The following GLYAT variants were observed in gnomAD, a reference collection of about 807,000 sequenced individuals.
GLYAT encodes the protein glycine N-acyltransferase.
In GLYAT, 25 loss-of-function variants were observed where a neutral mutation model predicts 22.8. That is an observed-to-expected ratio of 1.09 (90% CI 0.80 to 1.53). The LOEUF (loss-of-function observed/expected upper bound fraction) is 1.53, where lower values mean the gene tolerates loss of function less well. GLYAT is among the 40% of genes most tolerant of loss of function. The pLI is 0.00. For missense variants in GLYAT, 411 were observed against 353.9 expected (o/e 1.16, Z -1.29); for synonymous variants, 140 against 122.7 (o/e 1.14, Z -0.93).
intron 4 of GLYAT, among the ~76,000 whole-genome samples, chr11:58,711,068 T>C (rs113791397): frequency 3.9e-5 from 6 of 152,204 alleles, no homozygotes; most frequent in African/African-American, 1.4e-4. Context: ...CTTTGTGTTC[T>C]TAGCTCCCAC....
intron 1 of GLYAT, among the ~76,000 whole-genome samples, chr11:58,728,890 G>GA (rs1365145810): frequency 0.2 from 13,534 of 69,142 alleles, 813 homozygotes; most frequent in South Asian, 0.26. Flanking sequence ...AAGAAAGAAA[G>GA]AAGGAAGGAA....
intron 4 of GLYAT, among the ~76,000 whole-genome samples, chr11:58,711,564 T>A (rs1450963163): frequency 6.6e-6 from 1 of 152,204 alleles, no homozygotes; most frequent in Non-Finnish European, 1.5e-5. Flanking sequence ...GTTATGATTG[T>A]GTTATTAACA....
At chr11:58,715,494 G>T (rs183838287) in intron 2 of GLYAT, 71 bp from the exon 3 acceptor site, 1 of 704,978 alleles carries the variant, frequency 1.4e-6, no homozygotes, top group South Asian at 1.6e-5. Flanking sequence ...GCTTGATTAG[G>T]ACAAAAATTA....
chr11:58,710,266 T>A, intron 5 of GLYAT, 98 bp from the exon 6 acceptor site: 2 of 1,475,220 alleles, frequency 1.4e-6, no homozygotes. Flanking sequence ...ACAGAAGAAA[T>A]AACAAATGTG....
intron 1 of GLYAT, chr11:58,728,683 G>T (rs1441118663): frequency 6.6e-6 from 1 of 151,874 alleles, no homozygotes; most frequent in Non-Finnish European, 1.5e-5. Flanking sequence ...TTTTCAGGTT[G>T]AAGTTCAGGG....
In GLYAT at chr11:58,710,764, A is replaced by T; in HGVS notation, c.317-3T>A. 6.5e-7 allele frequency: 1 copy of T among 1,540,328 alleles called. No homozygotes were observed. The highest frequency in any genetic ancestry group is 9.0e-7 in the Non-Finnish European group (1 of 1,113,030). ...CTCATTCAGGCTAGGCTGTGAACCT[A>T]GACGGTATAATAAACAGAGATGAAA... On this transcript the variant is annotated splice_polypyrimidine_tract_variant and splice_region_variant and intron_variant, in intron 4 of 5. Coordinates refer to ENST00000344743, the MANE Select transcript of GLYAT (RefSeq NM_201648.3).
In GLYAT at chr11:58,709,013, T is replaced by C. The variant is rs1381109529; in HGVS notation, c.*753A>G. The C allele has an allele frequency of 6.6e-6, 1 of 152,180 alleles. No individual in the cohort carries two copies. Among genetic ancestry groups the C allele is most frequent in the Non-Finnish European group, 1.5e-5 (1 of 68,022 alleles). The allele number at this position is 152,180 out of a possible 1,614,324, so 9.4% of individuals were successfully genotyped here. A position where few individuals can be genotyped will look rare whatever the true frequency, so the allele number is the denominator to read the frequency against. ...TTCACCTTTTCATACACTCATTCCTTTCATGCTGTCACCATGATGAACCAC... is the reference window on the plus strand; with the variant it reads ...TTCACCTTTTCATACACTCATTCCTCTCATGCTGTCACCATGATGAACCAC... On this transcript the variant is annotated 3_prime_UTR_variant, in exon 6 of 6. Transcript: ENST00000344743.
rs142208946 is a variant in GLYAT, at chr11:58,722,255, G to A, written c.81+2161C>T. 5.3e-3 allele frequency among the ~76,000 whole-genome samples: 813 copies of A among 152,026 alleles called. 27 individuals are homozygous for A. The highest frequency in any genetic ancestry group is 1.2e-3 in the Non-Finnish European group (79 of 67,928). On this transcript the variant is annotated intron_variant, in intron 2 of 5. Coordinates refer to ENST00000344743, the MANE Select transcript of GLYAT (RefSeq NM_201648.3). The stretch of plus-strand genomic sequence containing the variant: ...GCATCTCCACTCAGAATGCTCCCAT[G>A]GTTACCAAAATCTAAACCCCAAAAA...
chr11:58,722,053 C>T (rs927646803), intron 2 of GLYAT, among the ~76,000 whole-genome samples: 37 of 152,124 alleles, frequency 2.4e-4, no homozygotes, highest in African/African-American at 7.7e-4. Context: ...TTCAAAGAGA[C>T]CTTCCTCCCC....
At chr11:58,725,176 T>C (rs935868112) in intron 1 of GLYAT, among the ~76,000 whole-genome samples, 5 of 152,306 alleles carry the variant, frequency 3.3e-5, no homozygotes, top group East Asian at 1.9e-4. Flanking sequence ...TACTGCATCA[T>C]ATTCAAAACT....
Position 58,709,853 on chromosome 11 carries a change from G to T in GLYAT, c.804C>A (p.Ser268Arg). ...GFPVYSHVDY[S>R]NEAMQKMSYT... is the part of the protein sequence containing the mutation. ...AACTCATTTTTTGCATAGCTTCATT[G>T]CTGTAGTCTACATGAGAATAGACAG... is the stretch of plus-strand genomic sequence containing the variant. The change falls in exon 6 of 6, where the codon AGC becomes AGA. Residue 268 changes from serine to arginine, a missense_variant. Physicochemically the swap from Ser to Arg is moderately radical, Grantham distance 110. Transcript: ENST00000344743. The T allele has an allele frequency of 6.2e-7, 1 of 1,613,950 alleles. No homozygotes were observed. Among genetic ancestry groups the T allele is most frequent in the South Asian group, 1.1e-5 (1 of 91,086 alleles).
At chr11:58,718,319 A>C (rs986437574) in intron 2 of GLYAT, among the ~76,000 whole-genome samples, 12 of 152,054 alleles carry the variant, frequency 7.9e-5, no homozygotes, top group Admixed American at 2.0e-4. Flanking sequence ...GAGTATACTA[A>C]ATTGTTAAAA....
At chr11:58,725,179 TCAA>T (rs1255826677) in intron 1 of GLYAT, among the ~76,000 whole-genome samples, 1 of 152,170 alleles carries the variant, frequency 6.6e-6, no homozygotes, top group Non-Finnish European at 1.5e-5. Context: ...TGCATCATAT[TCAA>T]AACTTGTACT....
intron 2 of GLYAT, among the ~76,000 whole-genome samples, chr11:58,717,153 C>T (rs560544903): frequency 2.1e-5 from 2 of 97,134 alleles, no homozygotes; most frequent in East Asian, 3.5e-4. Context: ...CTTTTATATG[C>T]CCCCCATCCT....
At chr11:58,731,610 A>G (rs903476017) in intron 1 of GLYAT, among the ~76,000 whole-genome samples, 1 of 152,206 alleles carries the variant, frequency 6.6e-6, no homozygotes, top group Non-Finnish European at 1.5e-5. Context: ...ATGAGAGCAT[A>G]CAGATAGTGA....
intron 2 of GLYAT, among the ~76,000 whole-genome samples, chr11:58,718,304 C>T (rs1174880729): frequency 2.0e-5 from 3 of 151,910 alleles, no homozygotes; most frequent in Admixed American, 2.0e-4. Flanking sequence ...AAAGTTTGTT[C>T]ATAGGAGTAT....
chr11:58,714,863 A>G (rs1165999609), intron 3 of GLYAT, among the ~76,000 whole-genome samples: 1 of 152,182 alleles, frequency 6.6e-6, no homozygotes, highest in Non-Finnish European at 1.5e-5. Context: ...CTTTATTAGT[A>G]GCATGAGAAC....
At chr11:58,718,854 A>G (rs1472728084) in intron 2 of GLYAT, among the ~76,000 whole-genome samples, 1 of 152,026 alleles carries the variant, frequency 6.6e-6, no homozygotes, top group Non-Finnish European at 1.5e-5. Context: ...AAAATTTATT[A>G]CCTCTGTGGC....
intron 1 of GLYAT, among the ~76,000 whole-genome samples, chr11:58,728,889 A>AGAAAGAAAGAAAGAAAGAAAGAAG (rs1310407303): frequency 2.5e-4 from 25 of 101,302 alleles, no homozygotes; most frequent in African/African-American, 6.2e-4. Context: ...AAAGAAAGAA[A>AGAAAGAAAGAAAGAAAGAAAGAAG]GAAGGAAGGA....
Sources: gnomAD v4.1 joint callset for allele counts (sites outside exome capture counted in the v4.1 genomes callset) on GRCh38, gnomAD v4.1.1 for gene constraint, MANE v1.5 for transcripts, NCBI Gene and HGNC (gene_info 2026-07-23, HGNC 2026-07-21) for gene names.